CACNA1A: variants seen among roughly 807,000 people sequenced by gnomAD.
CACNA1A encodes calcium voltage-gated channel subunit alpha1 A.
A neutral mutation model predicts 262.4 loss-of-function variants in CACNA1A; 57 were observed. That is an observed-to-expected ratio of 0.22 (90% CI 0.18 to 0.27). The LOEUF (loss-of-function observed/expected upper bound fraction) is 0.27. Ranked by LOEUF, CACNA1A falls within the 10% of genes least tolerant of loss-of-function variation. The probability of loss-of-function intolerance (pLI) is 1.00; values close to 1 mark genes in which losing one functional copy is unlikely to be tolerated. For synonymous variants in CACNA1A, 1,431 were observed against 1,419.3 expected (o/e 1.01, Z -0.18); for missense variants, 2,526 against 3,562.8 (o/e 0.71, Z 7.41).
chr19:13,257,178 G>A (rs1228928516), intron 28 of CACNA1A, 172 bp downstream of exon 28: 1 of 588,418 alleles, frequency 1.7e-6, no homozygotes, highest in Non-Finnish European at 3.0e-6. Context: ...TATATGATGT[G>A]TTTCCTCTGG....
Position 13,212,040 on chromosome 19 carries a change from G to A in CACNA1A, c.6303+63C>T, listed in dbSNP as rs1380280113. The A allele has an allele frequency of 1.5e-5, 18 of 1,205,364 alleles. No homozygotes were observed. Among genetic ancestry groups the A allele is most frequent in the Non-Finnish European group, 2.1e-5 (17 of 827,834 alleles). 74.7% of individuals were successfully genotyped at this position (1,205,364 alleles called of 1,614,324 possible). On this transcript the variant is annotated intron_variant, in intron 43 of 46. Coordinates refer to ENST00000360228, the MANE Select transcript of CACNA1A (RefSeq NM_001127222.2). The surrounding 1 kb of genome is among the most constrained non-coding windows in gnomAD (Gnocchi z 5.6). ...GGATGCACTGGGCTGCTTGTGGGGGGGCCTGGCCCTACCCAGTGCAGAGTG... is the reference window on the plus strand; with the variant it reads ...GGATGCACTGGGCTGCTTGTGGGGGAGCCTGGCCCTACCCAGTGCAGAGTG...
chr19:13,231,583 G>A (rs964827465), intron 35 of CACNA1A, 127 bp downstream of exon 35: 1 of 944,994 alleles, frequency 1.1e-6, no homozygotes, highest in Non-Finnish European at 1.6e-6. Context: ...CCTGATCCCA[G>A]GCTGGTTCAG....
rs1351152649 is a variant in CACNA1A at position 13,298,260 on chromosome 19, A to T, written c.3089+284T>A. On this transcript the variant is annotated intron_variant, in intron 19 of 46. Coordinates refer to ENST00000360228, the MANE Select transcript of CACNA1A (RefSeq NM_001127222.2). The stretch of plus-strand genomic sequence containing the variant: ...ATTCTCCTGCCTCAGCCTCCTGAGT[A>T]GCTGGGGCTACAGGCGCCTGCCACC... 2.0e-5 allele frequency among the ~76,000 whole-genome samples: 3 copies of T among 150,776 alleles called. No homozygotes were observed. The East Asian group carries it at 5.9e-4, about 30-fold the overall frequency.
intron 3 of CACNA1A, among the ~76,000 whole-genome samples, chr19:13,380,736 T>TTG (rs2059509096): frequency 4.9e-5 from 4 of 82,104 alleles, no homozygotes; most frequent in South Asian, 3.7e-4. Flanking sequence ...TTTATTGGTT[T>TTG]GTTTGTTTGT....
chr19:13,210,726 G>A, intron 43 of CACNA1A, 74 bp from the exon 44 acceptor site: 2 of 1,455,834 alleles, frequency 1.4e-6, no homozygotes, highest in Non-Finnish European at 1.9e-6. Flanking sequence ...GCAAGAGGGA[G>A]AGTGAGGAGG....
intron 15 of CACNA1A, among the ~76,000 whole-genome samples, chr19:13,306,307 T>C (rs931689576): frequency 6.6e-6 from 1 of 152,210 alleles, no homozygotes; most frequent in African/African-American, 2.4e-5. Flanking sequence ...AGAAGTTGCT[T>C]TGGGTTGATC....
In CACNA1A at chr19:13,298,800, C is replaced by T. The variant is rs527593196; in HGVS notation, c.2833G>A (p.Gly945Arg). Residue 945 changes from glycine to arginine, a missense_variant, in exon 19 of 47, where the codon GGG becomes AGG. By Grantham distance (125) the Gly-to-Arg change is moderately radical (BLOSUM62 -2). Around this residue, in one of 17 missense-constraint regions of CACNA1A, gnomAD observed 765 missense variants for 748.6 expected, o/e 1.02. Coordinates refer to ENST00000360228, the MANE Select transcript of CACNA1A (RefSeq NM_001127222.2). ...RQGGSRESRS[G>R]SPRTGADGEH... ...CCGTCCGCGCCCGTGCGCGGGGACC[C>T]GCTGCGGCTCTCCCTGCTGCCCCCC... 5 of 1,553,474 alleles carry T rather than the reference C, an allele frequency of 3.2e-6. No individual in the cohort carries two copies. The African/African-American group carries it at 7.0e-5, about 22-fold the overall frequency.
intron 1 of CACNA1A, among the ~76,000 whole-genome samples, chr19:13,473,434 G>C (rs1978293434): frequency 6.6e-6 from 1 of 152,292 alleles, no homozygotes; most frequent in East Asian, 1.9e-4. Context: ...AGCCGTCCAA[G>C]GGAGCTCAGC....
chr19:13,285,846 T>C (rs2057384813), intron 20 of CACNA1A, among the ~76,000 whole-genome samples: 1 of 151,944 alleles, frequency 6.6e-6, no homozygotes, highest in Non-Finnish European at 1.5e-5. Context: ...CTTAGGATCT[T>C]AGGTCTCAGG....
Position 13,379,462 on chromosome 19 carries a change from T to C in CACNA1A, c.540-7683A>G, listed in dbSNP as rs76689931. The stretch of plus-strand genomic sequence containing the variant: ...CCAAACCAGCAGTGTCTCTGAGGTA[T>C]ACCTGTATGACAGATGTTAGGGCGA... On this transcript the variant is annotated intron_variant, in intron 3 of 46. Coordinates refer to ENST00000360228, the MANE Select transcript of CACNA1A (RefSeq NM_001127222.2). Among the ~76,000 whole-genome samples the C allele has an allele frequency of 2.1e-3, 317 of 152,292 alleles. 3 individuals carry two copies. The highest frequency in any genetic ancestry group is 7.0e-3 in the African/African-American group (293 of 41,562).
intron 3 of CACNA1A, among the ~76,000 whole-genome samples, chr19:13,401,245 G>C (rs746816830): frequency 2.3e-4 from 35 of 152,144 alleles, no homozygotes; most frequent in Non-Finnish European, 4.6e-4. Flanking sequence ...CTAAGCGTGG[G>C]GCTCTGCAGC....
intron 3 of CACNA1A, among the ~76,000 whole-genome samples, chr19:13,428,459 A>C (rs1254992991): frequency 6.6e-6 from 1 of 152,172 alleles, no homozygotes; most frequent in Non-Finnish European, 1.5e-5. Context: ...TTTTGGAATG[A>C]ATGAAGTATT....
At chr19:13,353,160 C>G (rs1421517661) in intron 6 of CACNA1A, among the ~76,000 whole-genome samples, 3 of 152,132 alleles carry the variant, frequency 2.0e-5, no homozygotes, top group Non-Finnish European at 4.4e-5. Context: ...GTTGCCCAGG[C>G]TGGAGTGCAG....
chr19:13,324,607 C>T (rs1439842047), intron 10 of CACNA1A, among the ~76,000 whole-genome samples: 1 of 152,140 alleles, frequency 6.6e-6, no homozygotes, highest in Non-Finnish European at 1.5e-5. Flanking sequence ...AAAAATCATG[C>T]CTGTAATCCC....
intron 34 of CACNA1A, 80 bp downstream of exon 34, chr19:13,234,841 A>C: frequency 1.0e-6 from 1 of 959,476 alleles, no homozygotes; most frequent in South Asian, 1.3e-5. Flanking sequence ...AGGAGGGTAC[A>C]TCCTCTATGG....
intron 1 of CACNA1A, among the ~76,000 whole-genome samples, chr19:13,469,493 C>A (rs573482509): frequency 2.9e-5 from 3 of 104,120 alleles, no homozygotes; most frequent in Non-Finnish European, 5.3e-5. Flanking sequence ...TTTTTTGAGA[C>A]GGAGTCTCGC....
chr19:13,365,092 C>T (rs1467559299), intron 5 of CACNA1A: 2 of 381,506 alleles, frequency 5.2e-6, no homozygotes, highest in Non-Finnish European at 9.5e-6. Context: ...TGGGATCATT[C>T]CCAAATAAAC....
chr19:13,413,232 G>A (rs929220735), intron 3 of CACNA1A, among the ~76,000 whole-genome samples: 2 of 151,002 alleles, frequency 1.3e-5, no homozygotes, highest in African/African-American at 2.4e-5. Flanking sequence ...TCAGCCTCCC[G>A]AGTAGCTGGG....
At chr19:13,447,035 G>A (rs1007201408) in intron 3 of CACNA1A, among the ~76,000 whole-genome samples, 10 of 152,196 alleles carry the variant, frequency 6.6e-5, no homozygotes, top group Middle Eastern at 3.4e-3. Context: ...AAGGATAACT[G>A]ACTACCAGAG....
Sources: gnomAD v4.1 joint callset for allele counts (sites outside exome capture counted in the v4.1 genomes callset) on GRCh38, gnomAD v4.1.1 for gene constraint, gnomAD v4.1.1 regional missense constraint, Gnocchi (gnomAD v3.1) non-coding constraint, MANE v1.5 for transcripts, NCBI Gene and HGNC (gene_info 2026-07-23, HGNC 2026-07-21) for gene names.